Variants in PHF6 observed in about 807,000 individuals in gnomAD.
PHF6 encodes PHD finger protein 6.
A neutral mutation model predicts 34.0 loss-of-function variants in PHF6; 7 were observed. The ratio of observed to expected loss-of-function variants is 0.21; its 90% CI spans 0.12 to 0.39. PHF6 has a LOEUF of 0.39. Ranked by LOEUF, PHF6 falls within the 10% of genes least tolerant of loss-of-function variation. The pLI, the probability that PHF6 is intolerant of heterozygous loss-of-function variation, is 1.00. For missense variants in PHF6, 128 were observed against 262.8 expected (o/e 0.49, Z 3.55); for synonymous variants, 89 against 88.4 (o/e 1.01, Z -0.04).
At chrX:134,395,834 A>G (rs2077374965) in intron 5 of PHF6, among the ~76,000 whole-genome samples, 1 of 112,089 alleles carries the variant, frequency 8.9e-6, no homozygotes, top group Non-Finnish European at 1.9e-5. Flanking sequence ...TCTAGTCTTT[A>G]AGGTAAACAT....
intron 9 of PHF6, among the ~76,000 whole-genome samples, chrX:134,424,049 A>G (rs1267341872): frequency 9.1e-6 from 1 of 109,339 alleles, no homozygotes; most frequent in African/African-American, 3.3e-5. Flanking sequence ...AACATGGCAC[A>G]TGTATACATA....
At chrX:134,397,537 T>C (rs1190229529) in intron 5 of PHF6, among the ~76,000 whole-genome samples, 1 of 111,464 alleles carries the variant, frequency 9.0e-6, no homozygotes, top group African/African-American at 3.3e-5. Context: ...TAATCCCAGC[T>C]ACTCAGGAGG....
intron 1 of PHF6, among the ~76,000 whole-genome samples, chrX:134,374,320 T>G (rs190224033): frequency 7.2e-4 from 81 of 112,358 alleles, no homozygotes; most frequent in African/African-American, 2.4e-3. Flanking sequence ...TTTATACTGT[T>G]CAAATTCTTT....
Position 134,425,343 on chromosome X carries a change from A to C in PHF6, c.*13A>C, listed in dbSNP as rs1335613543. On this transcript the variant is annotated intron_variant, in intron 10 of 10. Transcript: ENST00000370803. ...TAATGGAAACTAGGTATGAAAGTTA[A>C]TTATATGGGATCTGTTGTCAGGATA... 8.3e-7 allele frequency: 1 copy of C among 1,208,052 alleles called. No individual in the cohort carries two copies. The highest frequency in any genetic ancestry group is 1.8e-5 in the South Asian group (1 of 56,926).
At chrX:134,385,584 A>G (rs755369559) in intron 3 of PHF6, among the ~76,000 whole-genome samples, 1 of 112,263 alleles carries the variant, frequency 8.9e-6, no homozygotes, top group African/African-American at 3.2e-5. Flanking sequence ...AATAGTGTGA[A>G]GCCTTAATAA....
chrX:134,415,747 G>A (rs986646243), intron 8 of PHF6, among the ~76,000 whole-genome samples: 3 of 111,059 alleles, frequency 2.7e-5, no homozygotes, highest in African/African-American at 9.8e-5. Context: ...CTAGTAACAT[G>A]TATCTATCCA....
intron 5 of PHF6, among the ~76,000 whole-genome samples, chrX:134,400,766 G>A (rs1312798522): frequency 9.0e-6 from 1 of 111,670 alleles, no homozygotes; most frequent in Admixed American, 9.6e-5. Context: ...AGTTTATGTA[G>A]TGGTTCCCAA....
At chrX:134,406,335 A>G (rs985213663) in intron 5 of PHF6, among the ~76,000 whole-genome samples, 14 of 111,193 alleles carry the variant, frequency 1.3e-4, no homozygotes, top group African/African-American at 4.3e-4. Context: ...CATTTGACAC[A>G]TGAAGACACT....
intron 5 of PHF6, among the ~76,000 whole-genome samples, chrX:134,408,328 A>G (rs775832691): frequency 6.2e-5 from 7 of 112,323 alleles, no homozygotes; most frequent in African/African-American, 2.3e-4. Context: ...TTATGTACTT[A>G]TACGAGTGAC....
intron 8 of PHF6, among the ~76,000 whole-genome samples, chrX:134,416,476 C>T (rs998966085): frequency 3.6e-5 from 4 of 110,915 alleles, no homozygotes; most frequent in Admixed American, 2.9e-4. Context: ...GGAAGTTAGT[C>T]CATCAAGATG....
chrX:134,404,248 GGAA>G (rs779173813), intron 5 of PHF6, among the ~76,000 whole-genome samples: 1 of 112,147 alleles, frequency 8.9e-6, no homozygotes, highest in East Asian at 2.8e-4. Flanking sequence ...ACGGGAATTT[GGAA>G]GAAGTTTATT....
intron 3 of PHF6, among the ~76,000 whole-genome samples, chrX:134,387,825 A>G (rs1412843009): frequency 3.6e-5 from 4 of 111,261 alleles, no homozygotes; most frequent in East Asian, 2.8e-4. Flanking sequence ...CAGTGGCCCT[A>G]TTTTTTAGAA....
intron 4 of PHF6, 45 bp from the exon 5 acceptor site, chrX:134,393,864 T>A: frequency 8.8e-7 from 1 of 1,132,191 alleles, no homozygotes; most frequent in Non-Finnish European, 1.2e-6. Context: ...AAAGTGAGTT[T>A]AATTTAGTTT....
At chrX:134,414,970 T>G (rs1317156047) in intron 7 of PHF6, 46 bp from the exon 8 acceptor site, 2 of 1,014,537 alleles carry the variant, frequency 2.0e-6, no homozygotes, top group African/African-American at 3.7e-5. Flanking sequence ...AATGTTTCTC[T>G]CATAAGGATT....
In PHF6 at chrX:134,428,533, T is replaced by C. The variant is rs2077514613; in HGVS notation, c.*2873T>C. On this transcript the variant is annotated 3_prime_UTR_variant, in exon 11 of 11. Transcript: ENST00000370803. ...ATATCTCAAAGCAAAAGAAAAAGTG[T>C]TCTAGAGTGTTGTTGCTTTTTTAAA... is the stretch of plus-strand genomic sequence containing the variant. 1 of 155,777 alleles carries C rather than the reference T, an allele frequency of 6.4e-6. No individual in the cohort carries two copies. Among genetic ancestry groups the C allele is most frequent in the African/African-American group, 3.0e-5 (1 of 32,870 alleles). 12.8% of individuals were successfully genotyped at this position (155,777 alleles called of 1,213,427 possible).
At chrX:134,378,524 A>AGCACTTGCTGAACAAAGTATT (rs1171834635) in intron 3 of PHF6, among the ~76,000 whole-genome samples, 3 of 112,431 alleles carry the variant, frequency 2.7e-5, no homozygotes, top group Non-Finnish European at 5.6e-5. Context: ...GGAAAATATT[A>AGCACTTGCTGAACAAAGTATT]GCACTTGCTG....
At chrX:134,377,211 CT>C (rs1181146425) in intron 1 of PHF6, among the ~76,000 whole-genome samples, 1 of 111,969 alleles carries the variant, frequency 8.9e-6, no homozygotes, top group Non-Finnish European at 1.9e-5. Context: ...CTCAATTACT[CT>C]AAACTTCATT....
At chrX:134,386,037 G>C (rs1299936329) in intron 3 of PHF6, among the ~76,000 whole-genome samples, 1 of 111,885 alleles carries the variant, frequency 8.9e-6, no homozygotes, top group Non-Finnish European at 1.9e-5. Flanking sequence ...AATTAATTAT[G>C]AGAAGTCAGA....
intron 5 of PHF6, among the ~76,000 whole-genome samples, chrX:134,410,850 C>A (rs984337632): frequency 1.9e-5 from 2 of 108,005 alleles, no homozygotes; most frequent in Non-Finnish European, 3.8e-5. Flanking sequence ...AGGTTTTCAC[C>A]TTGTTGGCCA....
Sources: allele counts gnomAD v4.1 joint callset (sites outside exome capture counted in the v4.1 genomes callset), GRCh38; gene constraint gnomAD v4.1.1; transcripts MANE v1.5; gene names NCBI Gene and HGNC (gene_info 2026-07-23, HGNC 2026-07-21).